UNC13C: variants seen among roughly 807,000 people sequenced by gnomAD.
UNC13C encodes protein unc-13 homolog C.
UNC13C carries 174 observed loss-of-function variants against 245.4 expected under a neutral mutation model. The ratio of observed to expected loss-of-function variants is 0.71; its 90% CI spans 0.63 to 0.80. The LOEUF is 0.80. UNC13C is among the 30% of genes least tolerant of loss of function. The pLI is 0.00. For missense variants in UNC13C, 2,829 were observed against 2,602.9 expected, an observed-to-expected ratio of 1.09 and a Z score of -1.89; for synonymous variants, 992 against 895.1, an observed-to-expected ratio of 1.11 and a Z score of -1.93.
At chr15:54,028,015 A>G (rs568605856) in intron 2 of UNC13C, among the ~76,000 whole-genome samples, 1 of 152,124 alleles carries the variant, frequency 6.6e-6, no homozygotes, top group Non-Finnish European at 1.5e-5. Flanking sequence ...GTGGTAGGAG[A>G]TAGGGATAAG....
chr15:54,212,034 A>T (rs1184312427), intron 4 of UNC13C, among the ~76,000 whole-genome samples: 1 of 152,092 alleles, frequency 6.6e-6, no homozygotes, highest in African/African-American at 2.4e-5. Context: ...TTTAGCTTAC[A>T]CAAGGAGGCT....
chr15:53,859,480 A>C, the UNC13C span, among the ~76,000 whole-genome samples: 9 of 152,222 alleles, frequency 5.9e-5, no homozygotes, highest in Non-Finnish European at 7.3e-5. Context: ...AAACAAAACA[A>C]ATTCTTTGCA....
chr15:54,282,812 C>A (rs188537398), intron 10 of UNC13C, among the ~76,000 whole-genome samples: 10 of 152,010 alleles, frequency 6.6e-5, no homozygotes, highest in Non-Finnish European at 1.3e-4. Flanking sequence ...CAGCTCTCAG[C>A]GGAGAGGGGA....
intron 19 of UNC13C, among the ~76,000 whole-genome samples, chr15:54,435,286 T>G (rs1397836514): frequency 6.6e-6 from 1 of 152,116 alleles, no homozygotes; most frequent in East Asian, 1.9e-4. Context: ...CACACATATG[T>G]TTATTGCAGC....
chr15:53,901,750 A>C, the UNC13C span, among the ~76,000 whole-genome samples: 4 of 152,220 alleles, frequency 2.6e-5, no homozygotes, highest in African/African-American at 9.6e-5. Flanking sequence ...ACATTTTGCC[A>C]ATTTATAATG....
At position 54,623,789 on chromosome 15, in the gene UNC13C, T is replaced by A; in HGVS notation, c.6200-6T>A. The A allele has an allele frequency of 6.2e-7, 1 of 1,607,490 alleles. No individual in the cohort carries two copies. Among genetic ancestry groups the A allele is most frequent in the Non-Finnish European group, 8.5e-7 (1 of 1,177,086 alleles). On this transcript the variant is annotated splice_polypyrimidine_tract_variant and splice_region_variant and intron_variant, in intron 31 of 32. Transcript: ENST00000260323. ...TTGCTAAAATGTGATATTTCCTTTT[T>A]TTTAGTGATTGCTATTAATGACCTA...
rs774668899 is a variant in UNC13C, at chr15:54,012,958, A to T, written c.55A>T (p.Lys19Ter). 16 of 1,613,348 alleles carry T rather than the reference A, an allele frequency of 9.9e-6. No homozygotes were observed. The highest frequency in any genetic ancestry group is 1.3e-5 in the African/African-American group (1 of 74,848). The part of the protein sequence containing the change: ...LILPYIHKLC[K>*]GMFTKKLGNT... ...TTTACCTTACATTCATAAGCTTTGCAAAGGAATGTTTACAAAGAAATTGGG... is the reference window on the plus strand; with the variant it reads ...TTTACCTTACATTCATAAGCTTTGCTAAGGAATGTTTACAAAGAAATTGGG... Residue 19 changes from lysine (K) to a stop codon, truncating the protein, a stop_gained, in exon 2 of 33, where the codon AAA becomes TAA. Transcript: ENST00000260323. LOFTEE classifies it high-confidence loss of function.
chr15:54,442,681 A>T (rs1490504738), intron 19 of UNC13C, among the ~76,000 whole-genome samples: 2 of 151,970 alleles, frequency 1.3e-5, no homozygotes, highest in African/African-American at 4.8e-5. Context: ...ATCCATTGAG[A>T]TGATCTTTTT....
chr15:54,625,290 TA>T (rs1901061119), intron 32 of UNC13C, among the ~76,000 whole-genome samples: 2 of 14 alleles, frequency 0.14, no homozygotes, highest in African/African-American at 0.2. Context: ...CCTACTGAGA[TA>T]TAGTCCCAAC....
At chr15:54,494,278 A>G (rs986165197) in intron 19 of UNC13C, among the ~76,000 whole-genome samples, 4 of 152,166 alleles carry the variant, frequency 2.6e-5, no homozygotes, top group African/African-American at 9.6e-5. Context: ...GCATCAAGCT[A>G]AAAGCAGTAA....
intron 2 of UNC13C, among the ~76,000 whole-genome samples, chr15:54,123,120 C>T (rs1272959987): frequency 6.6e-6 from 1 of 151,874 alleles, no homozygotes; most frequent in African/African-American, 2.4e-5. Context: ...TATTGTCAGT[C>T]TTTTTAATTG....
chr15:54,188,108 G>A (rs898581811), intron 4 of UNC13C, among the ~76,000 whole-genome samples: 1 of 152,056 alleles, frequency 6.6e-6, no homozygotes, highest in South Asian at 2.1e-4. Flanking sequence ...ATGAGCCTTC[G>A]AGCCCGGCCA....
At chr15:54,301,586 G>C (rs144127420) in intron 13 of UNC13C, among the ~76,000 whole-genome samples, 1 of 152,156 alleles carries the variant, frequency 6.6e-6, no homozygotes, top group African/African-American at 2.4e-5. Flanking sequence ...ACGGTTTCCA[G>C]CTTCAACAAT....
chr15:54,434,920 G>C (rs942133215), intron 19 of UNC13C, among the ~76,000 whole-genome samples: 1 of 151,984 alleles, frequency 6.6e-6, no homozygotes, highest in Non-Finnish European at 1.5e-5. Flanking sequence ...GTGGGCAATG[G>C]ATATGAACAG....
At chr15:54,151,524 T>C (rs2032515562) in intron 4 of UNC13C, among the ~76,000 whole-genome samples, 1 of 152,132 alleles carries the variant, frequency 6.6e-6, no homozygotes, top group Non-Finnish European at 1.5e-5. Context: ...CGCCTCAGCC[T>C]CCCGAGTAGA....
intron 2 of UNC13C, among the ~76,000 whole-genome samples, chr15:54,119,003 A>G (rs1308847469): frequency 6.7e-6 from 1 of 150,106 alleles, no homozygotes; most frequent in Non-Finnish European, 1.5e-5. Flanking sequence ...CCACTTGATC[A>G]TGGTGAATGA....
At position 54,622,424 on chromosome 15, in the gene UNC13C, A is replaced by C; in HGVS notation, c.6199+5A>C. The C allele has an allele frequency of 1.2e-6, 2 of 1,606,226 alleles. No homozygotes were observed. The highest frequency in any genetic ancestry group is 1.7e-6 in the Non-Finnish European group (2 of 1,173,066). On this transcript the variant is annotated splice_donor_5th_base_variant and intron_variant, in intron 31 of 32. Coordinates refer to ENST00000260323, the MANE Select transcript of UNC13C (RefSeq NM_001080534.3). Reference sequence around the variant, plus strand: ...ATCATAAAGTCACTGTAAAAGGTATACTTCTGGTCTAGATAAATCAAAACA... The same window carrying C: ...ATCATAAAGTCACTGTAAAAGGTATCCTTCTGGTCTAGATAAATCAAAACA...
Position 54,013,344 on chromosome 15 carries a change from A to G in UNC13C, c.441A>G (p.Thr147=). 16 of 1,613,888 alleles carry G rather than the reference A, an allele frequency of 9.9e-6. No homozygotes were observed. Among genetic ancestry groups the G allele is most frequent in the Non-Finnish European group, 1.3e-5 (15 of 1,179,860 alleles). The change falls in exon 2 of 33, where the codon ACA becomes ACG. Residue 147 remains threonine (T), a synonymous_variant. Coordinates refer to ENST00000260323, the MANE Select transcript of UNC13C (RefSeq NM_001080534.3). ...STENQAQSTH[T]MPVRRNRKSS... ...AAAACCAGGCACAATCAACACACAC[A>G]ATGCCAGTTAGACGCAACAGAAAGA...
chr15:54,552,864 A>ATATTG (rs370558411), intron 28 of UNC13C, among the ~76,000 whole-genome samples: 1 of 12 alleles, frequency 0.083, no homozygotes, highest in Non-Finnish European at 0.17. Context: ...ATATATTAAT[A>ATATTG]TATAATATAT....
Sources: gnomAD v4.1 joint callset for allele counts (sites outside exome capture counted in the v4.1 genomes callset) on GRCh38, gnomAD v4.1.1 for gene constraint, MANE v1.5 for transcripts, NCBI Gene and HGNC (gene_info 2026-07-23, HGNC 2026-07-21) for gene names.